Variants in SLC36A1 observed in about 807,000 individuals in gnomAD.
SLC36A1 encodes the protein proton-coupled amino acid transporter 1.
A neutral mutation model predicts 47.5 loss-of-function variants in SLC36A1; 30 were observed. That is an observed-to-expected ratio of 0.63 (90% confidence interval 0.47 to 0.86). The LOEUF is 0.86. Among genes scored for constraint, SLC36A1 ranks in the 40% least tolerant of loss-of-function variants. The probability of loss-of-function intolerance (pLI) is 0.00; values close to 1 mark genes in which losing one functional copy is unlikely to be tolerated. For synonymous variants in SLC36A1, 255 were observed against 249.7 expected (o/e 1.02, Z -0.20); for missense variants, 517 against 606.0 (o/e 0.85, Z 1.54).
the SLC36A1 span, chr5:151,545,847 C>T: frequency 2.4e-5 from 39 of 1,614,060 alleles, no homozygotes; most frequent in Middle Eastern, 4.9e-4. Flanking sequence ...CAAAAGTTGA[C>T]TTTAAGAACA....
At chr5:151,512,460 G>A in the SLC36A1 span, 2 of 1,614,236 alleles carry the variant, frequency 1.2e-6, no homozygotes, top group South Asian at 1.1e-5. This position sits in a 1 kb window ranked among gnomAD's most constrained non-coding sequence, Gnocchi z 4.1. Flanking sequence ...TGTTGCCCAT[G>A]CTGTCAACCA....
the SLC36A1 span, among the ~76,000 whole-genome samples, chr5:151,377,461 G>A: frequency 6.8e-6 from 1 of 147,362 alleles, no homozygotes; most frequent in Non-Finnish European, 1.5e-5. Flanking sequence ...CCATTCTCCT[G>A]CCTCAGCCTC....
rs373317838 is a variant in SLC36A1, at chr5:151,488,023, C to T, written c.1200C>T (p.Ile400=). The change falls in exon 11 of 11, where the codon ATC becomes ATT. Residue 400 remains isoleucine (I), a synonymous_variant. Transcript: ENST00000243389. ...AILIPRLDLV[I]SLVGSVSSSA... ...TCATCCCCCGCCTGGACCTGGTCAT[C>T]TCCCTGGTGGGCTCCGTGAGCAGCA... 63 of 1,614,178 alleles carry T rather than the reference C, an allele frequency of 3.9e-5. 1 individual carries two copies. The highest frequency in any genetic ancestry group is 1.1e-4 in the East Asian group (5 of 44,876).
the SLC36A1 span, chr5:151,505,132 G>A: frequency 3.7e-6 from 1 of 268,720 alleles, no homozygotes; most frequent in Non-Finnish European, 7.2e-6. Flanking sequence ...CCGCGTAGTG[G>A]TTGTCTGTCA....
the SLC36A1 span, among the ~76,000 whole-genome samples, chr5:151,497,810 A>G: frequency 3.3e-5 from 5 of 152,120 alleles, no homozygotes; most frequent in Non-Finnish European, 7.4e-5. Context: ...ACAACTAAAA[A>G]TGTCTCCAGA....
chr5:151,466,452 A>G (rs561050457), intron 5 of SLC36A1, among the ~76,000 whole-genome samples: 1 of 152,186 alleles, frequency 6.6e-6, no homozygotes, highest in Non-Finnish European at 1.5e-5. Context: ...GTTTTTCTCT[A>G]TCAGCACATA....
At chr5:151,424,349 G>T in the SLC36A1 span, among the ~76,000 whole-genome samples, 8 of 152,304 alleles carry the variant, frequency 5.3e-5, 1 homozygote, top group Middle Eastern at 3.4e-3. Context: ...AGGAAGAAAG[G>T]CAGAGGACAG....
At chr5:151,358,997 A>G in the SLC36A1 span, among the ~76,000 whole-genome samples, 1 of 151,374 alleles carries the variant, frequency 6.6e-6, no homozygotes, top group Non-Finnish European at 1.5e-5. Context: ...AAAAAAAAAA[A>G]AAAAAAAAAA....
the SLC36A1 span, among the ~76,000 whole-genome samples, chr5:151,399,084 A>ATATATATATATATTTTTT: frequency 1.3e-4 from 8 of 60,036 alleles, no homozygotes; most frequent in Non-Finnish European, 2.4e-4. Flanking sequence ...ATATATATAT[A>ATATATATATATATTTTTT]TTTTTTTTTT....
the SLC36A1 span, among the ~76,000 whole-genome samples, chr5:151,536,161 A>G: frequency 6.6e-6 from 1 of 152,176 alleles, no homozygotes; most frequent in African/African-American, 2.4e-5. Flanking sequence ...CAGTTTCTGC[A>G]TAATACATAC....
chr5:151,474,178 A>AAAAAAAAAAAAAGAGAG (rs776318482), intron 8 of SLC36A1, among the ~76,000 whole-genome samples: 16 of 119,016 alleles, frequency 1.3e-4, no homozygotes, highest in African/African-American at 4.0e-4. Context: ...AAAAAAAAAA[A>AAAAAAAAAAAAAGAGAG]AGAAATTATC....
At chr5:151,527,350 C>T in the SLC36A1 span, 1 of 1,611,392 alleles carries the variant, frequency 6.2e-7, no homozygotes, top group Non-Finnish European at 8.5e-7. Flanking sequence ...CTGTCTGTGG[C>T]TCGGAGCTTC....
At chr5:151,389,148 G>T in the SLC36A1 span, among the ~76,000 whole-genome samples, 1 of 152,094 alleles carries the variant, frequency 6.6e-6, no homozygotes, top group Non-Finnish European at 1.5e-5. Context: ...GTCTGGCCTG[G>T]TTACAATGCT....
At chr5:151,402,325 G>T in the SLC36A1 span, among the ~76,000 whole-genome samples, 1 of 152,148 alleles carries the variant, frequency 6.6e-6, no homozygotes, top group Non-Finnish European at 1.5e-5. Flanking sequence ...AACCAACCTT[G>T]CATCCCAGGA....
chr5:151,390,238 C>T, the SLC36A1 span, among the ~76,000 whole-genome samples: 2 of 152,182 alleles, frequency 1.3e-5, no homozygotes, highest in Non-Finnish European at 2.9e-5. Context: ...ATATCCTTCA[C>T]CCATTTGTTG....
At chr5:151,469,558 A>G (rs1757040632) in intron 7 of SLC36A1, among the ~76,000 whole-genome samples, 1 of 152,182 alleles carries the variant, frequency 6.6e-6, no homozygotes, top group East Asian at 1.9e-4. Flanking sequence ...GTTCTTATAC[A>G]TTCCTTTTTG....
chr5:151,488,193 A>G lies in SLC36A1; in HGVS notation c.1370A>G (p.Tyr457Cys), dbSNP rs756722941. ...GTGGTGGGGACCTATGAGGCTCTCT[A>G]TGAGCTGATCCAGCCAAGCAATGCT... Reference protein sequence around the residue: ...GFVVGTYEALYELIQPSNAPI... With the variant: ...GFVVGTYEALCELIQPSNAPI... Residue 457 changes from tyrosine (Y) to cysteine (C), a missense_variant, in exon 11 of 11, where the codon TAT becomes TGT. Physicochemically the swap from Tyr to Cys is radical, Grantham distance 194 (BLOSUM62 -2). Coordinates refer to ENST00000243389, the MANE Select transcript of SLC36A1 (RefSeq NM_078483.4). 15 of 1,614,152 alleles carry G rather than the reference A, an allele frequency of 9.3e-6. No individual in the cohort carries two copies. Among genetic ancestry groups the G allele is most frequent in the South Asian group, 6.6e-5 (6 of 91,076 alleles).
the SLC36A1 span, among the ~76,000 whole-genome samples, chr5:151,527,010 C>T: frequency 1.3e-5 from 2 of 152,208 alleles, no homozygotes; most frequent in Admixed American, 1.3e-4. Flanking sequence ...CTTCATATGG[C>T]TGTTATGAGT....
intron 1 of SLC36A1, among the ~76,000 whole-genome samples, chr5:151,453,226 T>TAAAATAAAATA (rs201565102): frequency 6.6e-6 from 1 of 151,446 alleles, no homozygotes; most frequent in African/African-American, 2.4e-5. Flanking sequence ...TTAAAATAAA[T>TAAAATAAAATA]AAATAAAATA....
Sources: allele counts gnomAD v4.1 joint callset (sites outside exome capture counted in the v4.1 genomes callset), GRCh38; gene constraint gnomAD v4.1.1; non-coding constraint Gnocchi (gnomAD v3.1); transcripts MANE v1.5; gene names NCBI Gene and HGNC (gene_info 2026-07-23, HGNC 2026-07-21).